The following MYL1 variants were observed in gnomAD, a reference collection of about 807,000 sequenced individuals.
The protein encoded by MYL1 is myosin light chain 1.
MYL1 carries 16 observed loss-of-function variants against 21.8 expected under a neutral mutation model. The observed-to-expected ratio is 0.74, with a 90% confidence interval of 0.50 to 1.12. The LOEUF is 1.12. Among genes scored for constraint, MYL1 ranks in the 50% most tolerant of loss-of-function variants. The pLI is 0.00. For missense variants in MYL1, 246 were observed against 241.0 expected, an observed-to-expected ratio of 1.02 and a Z score of -0.14; for synonymous variants, 99 against 85.2, an observed-to-expected ratio of 1.16 and a Z score of -0.89.
At chr2:210,307,390 A>G (rs1375197789) in intron 1 of MYL1, among the ~76,000 whole-genome samples, 1 of 152,184 alleles carries the variant, frequency 6.6e-6, no homozygotes, top group East Asian at 1.9e-4. Flanking sequence ...GTATATCCTA[A>G]GCTCCCCCTT....
intron 4 of MYL1, 53 bp from the exon 5 acceptor site, chr2:210,293,853 A>T: frequency 6.6e-7 from 1 of 1,523,222 alleles, no homozygotes; most frequent in South Asian, 1.1e-5. Context: ...TATTTTCAAA[A>T]TCCACCATAG....
At chr2:210,302,896 G>A (rs1291496474) in intron 1 of MYL1, 9 of 1,255,062 alleles carry the variant, frequency 7.2e-6, no homozygotes, top group Middle Eastern at 2.3e-4. Flanking sequence ...AGGAAGCTAT[G>A]TAGGTGTCTT....
At position 210,291,021 on chromosome 2, in the gene MYL1, C is replaced by T; in HGVS notation, c.*14+11G>A. On this transcript the variant is annotated intron_variant, in intron 6 of 6. Coordinates refer to ENST00000352451, the MANE Select transcript of MYL1 (RefSeq NM_079420.3). Reference sequence around the variant, plus strand: ...AAATCCTTAAATATTAAAGAGGGAACTGGTATATACCTTGAGAGCTCCATT... The same window carrying T: ...AAATCCTTAAATATTAAAGAGGGAATTGGTATATACCTTGAGAGCTCCATT... The T allele has an allele frequency of 2.6e-6, 4 of 1,558,626 alleles. No homozygotes were observed. Among genetic ancestry groups the T allele is most frequent in the Middle Eastern group, 1.7e-4 (1 of 5,858 alleles).
intron 1 of MYL1, among the ~76,000 whole-genome samples, chr2:210,305,308 T>G (rs1200555695): frequency 1.3e-5 from 2 of 152,172 alleles, no homozygotes; most frequent in African/African-American, 2.4e-5. Context: ...CAGGTAAACA[T>G]TTTCGTAAAT....
In MYL1 at chr2:210,315,137, T is replaced by C. The variant is rs1348998514; in HGVS notation, c.-95A>G. On this transcript the variant is annotated 5_prime_UTR_variant, in exon 1 of 7. Transcript: ENST00000352451. ...GGAAGAGGAGTGGTGGTTGGGTTGA[T>C]CCACAGCCCAGTGTCTTGAAGATGG... The C allele has an allele frequency of 6.9e-7, 1 of 1,458,514 alleles. No individual in the cohort carries two copies. Among genetic ancestry groups the C allele is most frequent in the Non-Finnish European group, 9.3e-7 (1 of 1,072,472 alleles). The allele number at this position is 1,458,514 out of a possible 1,614,324, so 90.3% of individuals were successfully genotyped here.
chr2:210,296,071 C>A (rs1010801725), intron 3 of MYL1, among the ~76,000 whole-genome samples: 1 of 152,152 alleles, frequency 6.6e-6, no homozygotes, highest in Admixed American at 6.5e-5. Flanking sequence ...TCTCATACCC[C>A]TCTCTCTGTT....
chr2:210,293,863 G>A (rs1365989675), intron 4 of MYL1, 63 bp from the exon 5 acceptor site: 1 of 1,446,898 alleles, frequency 6.9e-7, no homozygotes, highest in African/African-American at 1.4e-5. Context: ...ATCCACCATA[G>A]GTCATCAGTC....
chr2:210,309,131 G>A (rs954812199), intron 1 of MYL1, among the ~76,000 whole-genome samples: 65 of 151,940 alleles, frequency 4.3e-4, no homozygotes, highest in African/African-American at 1.1e-3. Context: ...TCTACTGCAC[G>A]ATTTCTAGGA....
At chr2:210,290,887 C>G (rs1361554899) in intron 6 of MYL1, 145 bp downstream of exon 6, 1 of 470,690 alleles carries the variant, frequency 2.1e-6, no homozygotes, top group Non-Finnish European at 3.7e-6. Context: ...TAACCCATTT[C>G]AAGGCATTAA....
chr2:210,303,695 G>T, intron 1 of MYL1: 2 of 1,093,410 alleles, frequency 1.8e-6, no homozygotes, highest in Non-Finnish European at 2.6e-6. Context: ...TCAGAGATAA[G>T]TTGCCACACC....
chr2:210,311,557 A>C (rs538752226), intron 1 of MYL1, among the ~76,000 whole-genome samples: 1 of 152,184 alleles, frequency 6.6e-6, no homozygotes, highest in East Asian at 1.9e-4. Context: ...CAAACAGCAC[A>C]GTGAGAGACA....
intron 6 of MYL1, among the ~76,000 whole-genome samples, chr2:210,290,805 G>T (rs1479205564): frequency 1.3e-5 from 2 of 152,040 alleles, no homozygotes; most frequent in Non-Finnish European, 2.9e-5. Flanking sequence ...CACAAAGATA[G>T]AATTTATGAA....
At chr2:210,292,556 A>C (rs1005322539) in intron 5 of MYL1, among the ~76,000 whole-genome samples, 2 of 113,340 alleles carry the variant, frequency 1.8e-5, no homozygotes, top group African/African-American at 6.0e-5. Context: ...GTATTAATTG[A>C]ATTTTTTTTT....
intron 1 of MYL1, among the ~76,000 whole-genome samples, chr2:210,310,922 C>G (rs977093616): frequency 6.6e-6 from 1 of 152,048 alleles, no homozygotes; most frequent in African/African-American, 2.4e-5. Context: ...ACAGTTGACT[C>G]TGGATTTTGC....
intron 1 of MYL1, among the ~76,000 whole-genome samples, chr2:210,311,440 G>T (rs919907408): frequency 6.6e-6 from 1 of 152,002 alleles, no homozygotes; most frequent in East Asian, 1.9e-4. Flanking sequence ...TTCGTTATTT[G>T]ATAGTTTCTG....
chr2:210,299,192 G>T (rs955542939), intron 2 of MYL1, among the ~76,000 whole-genome samples: 1 of 152,076 alleles, frequency 6.6e-6, no homozygotes, highest in African/African-American at 2.4e-5. Flanking sequence ...TATTTGTTTT[G>T]GTATGTTGCT....
intron 5 of MYL1, among the ~76,000 whole-genome samples, chr2:210,292,077 A>G (rs1690085042): frequency 6.6e-6 from 1 of 151,894 alleles, no homozygotes; most frequent in Admixed American, 6.6e-5. Flanking sequence ...TTATATTATT[A>G]TTATTATTTG....
At chr2:210,304,076 C>A (rs778866673) in intron 1 of MYL1, among the ~76,000 whole-genome samples, 5 of 152,090 alleles carry the variant, frequency 3.3e-5, no homozygotes, top group Non-Finnish European at 5.9e-5. Flanking sequence ...GTGTACTGTC[C>A]TTTATGGTAA....
In MYL1 at chr2:210,302,516, C is replaced by G. The variant is rs1424707471; in HGVS notation, c.133-1G>C. On this transcript the variant is annotated splice_acceptor_variant, in intron 1 of 6. Coordinates refer to ENST00000352451, the MANE Select transcript of MYL1 (RefSeq NM_079420.3). LOFTEE classifies it high-confidence loss of function. ...CCTGCTGTTCCTTAGAGAACTCGAT[C>G]TGTTAGAAAGAAATTGACCACAAAG... 3 of 1,609,586 alleles carry G rather than the reference C, an allele frequency of 1.9e-6. No individual in the cohort carries two copies.
Sources: allele counts gnomAD v4.1 joint callset (sites outside exome capture counted in the v4.1 genomes callset), GRCh38; gene constraint gnomAD v4.1.1; transcripts MANE v1.5; gene names NCBI Gene and HGNC (gene_info 2026-07-23, HGNC 2026-07-21).